The following TTLL11 variants were observed in gnomAD, a reference collection of about 807,000 sequenced individuals.
TTLL11 encodes tubulin tyrosine ligase like 11, also known as tubulin polyglutamylase TTLL11.
Under a neutral mutation model 51.7 loss-of-function variants are expected in TTLL11, and 42 were observed. That is an observed-to-expected ratio of 0.81 (90% CI 0.64 to 1.05). The LOEUF is 1.05. Among genes scored for constraint, TTLL11 ranks in the 50% least tolerant of loss-of-function variants. The pLI is 0.00. For missense variants in TTLL11, 799 were observed against 940.4 expected (o/e 0.85, Z 1.97); for synonymous variants, 381 against 383.5 (o/e 0.99, Z 0.08).
chr9:121,826,524 T>C (rs1222277434), intron 8 of TTLL11, among the ~76,000 whole-genome samples: 31 of 53,474 alleles, frequency 5.8e-4, no homozygotes, highest in African/African-American at 2.1e-3. Context: ...TGTATATATA[T>C]ATATGTGTGT....
At chr9:121,891,443 A>G (rs1016833863) in intron 6 of TTLL11, among the ~76,000 whole-genome samples, 7 of 152,176 alleles carry the variant, frequency 4.6e-5, no homozygotes, top group Admixed American at 1.3e-4. Flanking sequence ...CGGGATCACA[A>G]CGATTTAGGA....
chr9:121,921,905 T>C (rs907543782), intron 6 of TTLL11, among the ~76,000 whole-genome samples: 7 of 152,216 alleles, frequency 4.6e-5, no homozygotes, highest in Non-Finnish European at 1.0e-4. Flanking sequence ...TGGTCTGCCC[T>C]GAAGAACCCT....
At chr9:121,862,753 A>G (rs1450573037) in intron 7 of TTLL11, among the ~76,000 whole-genome samples, 1 of 152,250 alleles carries the variant, frequency 6.6e-6, no homozygotes, top group African/African-American at 2.4e-5. Flanking sequence ...AGGTTGGCTG[A>G]ACTACATTCA....
rs1056721646 is a variant in TTLL11 at position 121,822,638 on chromosome 9, G to T, written c.2082C>A (p.Pro694=). 7 of 1,511,844 alleles carry T rather than the reference G, an allele frequency of 4.6e-6. No homozygotes were observed. The highest frequency in any genetic ancestry group is 6.2e-6 in the Non-Finnish European group (7 of 1,128,996). 93.7% of individuals were successfully genotyped at this position (1,511,844 alleles called of 1,614,324 possible). ...AGAGCTTATTGGCACAGCTGGTGCG[G>T]GGTGGGGGGTTGTCCCCTGCTGGCT... The part of the protein sequence containing the change: ...SAQPAGDNPP[P]RTSCANKLSH... The change falls in exon 9 of 9, where the codon CCC becomes CCA. Residue 694 remains proline, a synonymous_variant. Transcript: ENST00000321582. This position sits in a 1 kb window ranked among gnomAD's most constrained non-coding sequence, Gnocchi z 5.8.
intron 3 of TTLL11, among the ~76,000 whole-genome samples, chr9:122,012,677 C>T (rs113249632): frequency 0.04 from 5,906 of 147,746 alleles, 119 homozygotes; most frequent in African/African-American, 0.064. Context: ...CACACACACA[C>T]GCACACACAC....
rs547408355 is a variant in TTLL11, at chr9:122,002,944, C to CAAAAAAAAAAAAAAAAAAAAAAA, written c.694-13175_694-13174insTTTTTTTTTTTTTTTTTTTTTTT. Among the ~76,000 whole-genome samples the CAAAAAAAAAAAAAAAAAAAAAAA allele has an allele frequency of 1.3e-3, 81 of 61,222 alleles. 1 individual carries two copies. Among genetic ancestry groups the CAAAAAAAAAAAAAAAAAAAAAAA allele is most frequent in the African/African-American group, 2.6e-3 (31 of 11,892 alleles). The allele number at this position is 61,222 out of a possible 152,430, so 40.2% of individuals were successfully genotyped here. On this transcript the variant is annotated intron_variant, in intron 3 of 8. Coordinates refer to ENST00000321582, the MANE Select transcript of TTLL11 (RefSeq NM_001139442.2). Reference sequence around the variant, plus strand: ...CTGGCAACAGAGTGAGACTCTGTCTCAAAAAAAAAAAAAAAAAAAAGAGAT... The same window carrying CAAAAAAAAAAAAAAAAAAAAAAA: ...CTGGCAACAGAGTGAGACTCTGTCTCAAAAAAAAAAAAAAAAAAAAAAAAAAAAAAAAAAAAAAAAAAAGAGAT...
intron 6 of TTLL11, among the ~76,000 whole-genome samples, chr9:121,879,504 T>C (rs1838695120): frequency 6.6e-6 from 1 of 152,094 alleles, no homozygotes; most frequent in African/African-American, 2.4e-5. Context: ...ACAGAAAAAG[T>C]CAGATTTTGA....
rs1836541569 is a variant in TTLL11 at position 121,820,381 on chromosome 9, C to T, written c.*2206G>A. Among the ~76,000 whole-genome samples, 1 of 152,186 alleles carries T rather than the reference C, an allele frequency of 6.6e-6. No homozygotes were observed. The highest frequency in any genetic ancestry group is 1.5e-5 in the Non-Finnish European group (1 of 68,040). ...TGACAAGTGTGCCCAGACATGCTTA[C>T]TCTGGTCTTTCTCTGGGAAATCCAT... On this transcript the variant is annotated 3_prime_UTR_variant, in exon 9 of 9. Coordinates refer to ENST00000321582, the MANE Select transcript of TTLL11 (RefSeq NM_001139442.2).
At chr9:121,893,369 T>A (rs572605604) in intron 6 of TTLL11, among the ~76,000 whole-genome samples, 1 of 152,042 alleles carries the variant, frequency 6.6e-6, no homozygotes, top group African/African-American at 2.4e-5. Context: ...TGTGTGTGTG[T>A]GAGGGGGGCC....
At chr9:121,967,147 T>C (rs1842419398) in intron 6 of TTLL11, among the ~76,000 whole-genome samples, 1 of 150,832 alleles carries the variant, frequency 6.6e-6, no homozygotes, top group Admixed American at 6.6e-5. Context: ...GCCTGGCTGA[T>C]ACCAAGTCTA....
At chr9:121,836,367 G>A (rs531491446) in intron 8 of TTLL11, among the ~76,000 whole-genome samples, 22 of 152,264 alleles carry the variant, frequency 1.4e-4, no homozygotes, top group Non-Finnish European at 2.9e-4. Context: ...TGAAGGGCAT[G>A]GGTTGCCCTT....
intron 6 of TTLL11, among the ~76,000 whole-genome samples, chr9:121,887,594 G>A (rs953689452): frequency 2.6e-5 from 4 of 152,190 alleles, no homozygotes; most frequent in Non-Finnish European, 5.9e-5. Context: ...AAATAAGAAA[G>A]CACTAGCTCG....
chr9:121,993,059 T>C lies in TTLL11; in HGVS notation c.694-3289A>G, dbSNP rs550067232. On this transcript the variant is annotated intron_variant, in intron 3 of 8. Coordinates refer to ENST00000321582, the MANE Select transcript of TTLL11 (RefSeq NM_001139442.2). ...AATACTGTAAGTAAGAATGCACTTA[T>C]ATGAGGTACCTAGAGCAGTCAAATT... Among the ~76,000 whole-genome samples the C allele has an allele frequency of 9.5e-4, 145 of 152,228 alleles. 1 individual carries two copies. The highest frequency in any genetic ancestry group is 3.4e-3 in the African/African-American group (141 of 41,520).
At chr9:121,833,110 C>T (rs72764063) in intron 8 of TTLL11, among the ~76,000 whole-genome samples, 7,293 of 152,236 alleles carry the variant, frequency 0.048, 252 homozygotes, top group South Asian at 0.093. Flanking sequence ...CAGTTAGATT[C>T]GCTGGTCTTT....
At chr9:121,887,102 T>A (rs1019423158) in intron 6 of TTLL11, among the ~76,000 whole-genome samples, 5 of 152,230 alleles carry the variant, frequency 3.3e-5, no homozygotes, top group African/African-American at 9.6e-5. Flanking sequence ...ACAAGCCTAT[T>A]GTTTCAGGCA....
chr9:122,068,195 T>C lies in TTLL11; in HGVS notation c.462+24492A>G, dbSNP rs143271007. Among the ~76,000 whole-genome samples, 9 of 152,320 alleles carry C rather than the reference T, an allele frequency of 5.9e-5. No homozygotes were observed. In the East Asian group the frequency reaches 1.7e-3, roughly 29 times the overall value. ...ACGATACAAAACAATAGCTAAGTTATATTACTAAATTATATAAAAGGAACA... is the reference window on the plus strand; with the variant it reads ...ACGATACAAAACAATAGCTAAGTTACATTACTAAATTATATAAAAGGAACA... On this transcript the variant is annotated intron_variant, in intron 1 of 8. Coordinates refer to ENST00000321582, the MANE Select transcript of TTLL11 (RefSeq NM_001139442.2).
intron 6 of TTLL11, among the ~76,000 whole-genome samples, chr9:121,881,832 A>G (rs1356530649): frequency 6.6e-6 from 1 of 152,172 alleles, no homozygotes; most frequent in African/African-American, 2.4e-5. Flanking sequence ...AGAGACTCTA[A>G]CAGGCATTAA....
chr9:121,886,528 A>G (rs1258608138), intron 6 of TTLL11, among the ~76,000 whole-genome samples: 1 of 152,162 alleles, frequency 6.6e-6, no homozygotes, highest in African/African-American at 2.4e-5. Flanking sequence ...AAAGGCAAGG[A>G]AGGATTCTCC....
chr9:122,047,850 T>C (rs17263303), intron 1 of TTLL11, among the ~76,000 whole-genome samples: 30,944 of 152,082 alleles, frequency 0.2, 3,464 homozygotes, highest in Non-Finnish European at 0.24. Flanking sequence ...CAATTTGATA[T>C]GCGTGTCTCA....
Sources: gnomAD v4.1 joint callset for allele counts (sites outside exome capture counted in the v4.1 genomes callset) on GRCh38, gnomAD v4.1.1 for gene constraint, Gnocchi (gnomAD v3.1) non-coding constraint, MANE v1.5 for transcripts, NCBI Gene and HGNC (gene_info 2026-07-23, HGNC 2026-07-21) for gene names.